RPS6KC1: variants seen among roughly 807,000 people sequenced by gnomAD.
RPS6KC1 encodes ribosomal protein S6 kinase C1.
A neutral mutation model predicts 103.8 loss-of-function variants in RPS6KC1; 54 were observed. The observed-to-expected ratio is 0.52, with a 90% CI of 0.42 to 0.65. RPS6KC1 has a LOEUF of 0.65. RPS6KC1 is among the 30% of genes least tolerant of loss of function. The pLI, the probability that RPS6KC1 is intolerant of heterozygous loss-of-function variation, is 0.00. For synonymous variants in RPS6KC1, 439 were observed against 438.7 expected (o/e 1.00, Z -0.01); for missense variants, 1,151 against 1,253.8 (o/e 0.92, Z 1.24).
At chr1:213,696,502 C>CA in the RPS6KC1 span, among the ~76,000 whole-genome samples, 690 of 120,850 alleles carry the variant, frequency 5.7e-3, 42 homozygotes, top group African/African-American at 0.024. Flanking sequence ...AACTCCGTCT[C>CA]AAAAAAAAAA....
the RPS6KC1 span, among the ~76,000 whole-genome samples, chr1:213,479,604 TTTG>T: frequency 6.6e-6 from 1 of 151,940 alleles, no homozygotes. Context: ...AATATGACTT[TTTG>T]TTGTCAGAGA....
the RPS6KC1 span, among the ~76,000 whole-genome samples, chr1:213,707,101 C>T: frequency 6.6e-6 from 1 of 152,230 alleles, no homozygotes; most frequent in South Asian, 2.1e-4. Context: ...ATTTCTGGTT[C>T]TAGATCCTTA....
chr1:213,635,624 T>C, the RPS6KC1 span, among the ~76,000 whole-genome samples: 1 of 152,116 alleles, frequency 6.6e-6, no homozygotes, highest in East Asian at 1.9e-4. Flanking sequence ...TATCTCAAAA[T>C]AATAAGAGCT....
the RPS6KC1 span, among the ~76,000 whole-genome samples, chr1:213,331,751 C>G: frequency 6.6e-6 from 1 of 152,152 alleles, no homozygotes; most frequent in Non-Finnish European, 1.5e-5. Flanking sequence ...GGTGAAGAGG[C>G]CAGGGTCCTT....
the RPS6KC1 span, among the ~76,000 whole-genome samples, chr1:213,422,248 T>C: frequency 6.6e-6 from 1 of 152,240 alleles, no homozygotes; most frequent in Non-Finnish European, 1.5e-5. Flanking sequence ...AATCATACAG[T>C]ATATGTCCTT....
chr1:213,603,933 T>C, the RPS6KC1 span, among the ~76,000 whole-genome samples: 9 of 152,048 alleles, frequency 5.9e-5, no homozygotes, highest in Non-Finnish European at 8.8e-5. Flanking sequence ...CCCATAATTG[T>C]TGACTTTCCA....
intron 14 of RPS6KC1, among the ~76,000 whole-genome samples, chr1:213,266,819 C>A (rs1416231277): frequency 6.6e-6 from 1 of 151,818 alleles, no homozygotes; most frequent in Non-Finnish European, 1.5e-5. Context: ...AGGAGAATTG[C>A]TTGAACCTGG....
intron 1 of RPS6KC1, among the ~76,000 whole-genome samples, chr1:213,067,335 C>A (rs1223024627): frequency 6.6e-6 from 1 of 152,222 alleles, no homozygotes; most frequent in African/African-American, 2.4e-5. Context: ...CCTGAGGGCC[C>A]TTTCCTGAAG....
intron 1 of RPS6KC1, among the ~76,000 whole-genome samples, chr1:213,052,043 T>G (rs2076989980): frequency 6.6e-6 from 1 of 152,128 alleles, no homozygotes; most frequent in African/African-American, 2.4e-5. Flanking sequence ...TGTTTTTCAG[T>G]AGGAGACGTG....
chr1:213,631,063 C>T, the RPS6KC1 span, among the ~76,000 whole-genome samples: 3 of 152,220 alleles, frequency 2.0e-5, no homozygotes, highest in African/African-American at 4.8e-5. Context: ...GTTGGAAAAG[C>T]GCAATATTAG....
At chr1:213,523,759 A>G in the RPS6KC1 span, among the ~76,000 whole-genome samples, 1 of 152,262 alleles carries the variant, frequency 6.6e-6, no homozygotes, top group Non-Finnish European at 1.5e-5. Flanking sequence ...AAGAAGCTGC[A>G]TTAGCAGAAG....
At chr1:213,292,284 CA>C in the RPS6KC1 span, among the ~76,000 whole-genome samples, 3 of 151,818 alleles carry the variant, frequency 2.0e-5, no homozygotes, top group Non-Finnish European at 1.5e-5. Flanking sequence ...AAAAACAAAA[CA>C]AAACAAAAAA....
At chr1:213,261,743 C>A in intron 13 of RPS6KC1, 103 bp downstream of exon 13, 8 of 961,736 alleles carry the variant, frequency 8.3e-6, no homozygotes, top group East Asian at 2.4e-5. Context: ...AGGGACTAAG[C>A]AAGAAAAACT....
the RPS6KC1 span, among the ~76,000 whole-genome samples, chr1:213,324,593 C>CTTTT: frequency 7.9e-4 from 65 of 81,812 alleles, 1 homozygote; most frequent in Middle Eastern, 6.5e-3. Context: ...GCTCGATATG[C>CTTTT]TTTTTTTTTT....
At chr1:213,433,746 T>C in the RPS6KC1 span, among the ~76,000 whole-genome samples, 1 of 152,212 alleles carries the variant, frequency 6.6e-6, no homozygotes, top group Admixed American at 6.5e-5. Context: ...GCATTTTTTA[T>C]GTGTTTGGGT....
At chr1:213,371,746 A>G in the RPS6KC1 span, among the ~76,000 whole-genome samples, 13 of 152,214 alleles carry the variant, frequency 8.5e-5, no homozygotes, top group African/African-American at 3.1e-4. Context: ...CTTCTGCATA[A>G]CATAAACCTG....
chr1:213,364,235 G>C, the RPS6KC1 span, among the ~76,000 whole-genome samples: 3 of 152,184 alleles, frequency 2.0e-5, no homozygotes, highest in African/African-American at 7.2e-5. Flanking sequence ...GCCATCGTTT[G>C]TCCACCCCTA....
At chr1:213,300,756 C>T in the RPS6KC1 span, among the ~76,000 whole-genome samples, 9 of 152,272 alleles carry the variant, frequency 5.9e-5, no homozygotes, top group African/African-American at 1.9e-4. Flanking sequence ...ATATAAACCC[C>T]GCTGTCAGTG....
At chr1:213,293,658 C>T in the RPS6KC1 span, among the ~76,000 whole-genome samples, 95 of 152,114 alleles carry the variant, frequency 6.2e-4, 1 homozygote, top group African/African-American at 2.1e-3. Flanking sequence ...GGTGACAGAA[C>T]GAGATGCTGT....
Sources: allele counts gnomAD v4.1 joint callset (sites outside exome capture counted in the v4.1 genomes callset), GRCh38; gene constraint gnomAD v4.1.1; transcripts MANE v1.5; gene names NCBI Gene and HGNC (gene_info 2026-07-23, HGNC 2026-07-21).